Variants in CFAP54 observed in about 807,000 individuals in gnomAD.
CFAP54 encodes the protein cilia and flagella associated protein 54.
CFAP54 carries 290 observed loss-of-function variants against 370.4 expected under a neutral mutation model. That is an observed-to-expected ratio of 0.78 (90% CI 0.71 to 0.86). CFAP54 has a LOEUF of 0.86. CFAP54 is among the 40% of genes least tolerant of loss of function. The probability of loss-of-function intolerance (pLI) is 0.00; values close to 1 mark genes in which losing one functional copy is unlikely to be tolerated. For missense variants in CFAP54, 3,399 were observed against 3,528.7 expected, an observed-to-expected ratio of 0.96 and a Z score of 0.93; for synonymous variants, 1,206 against 1,236.5, an observed-to-expected ratio of 0.98 and a Z score of 0.52.
chr12:96,564,427 G>T, intron 17 of CFAP54, 41 bp from the exon 18 acceptor site: 1 of 672,322 alleles, frequency 1.5e-6, no homozygotes, highest in South Asian at 1.7e-5. Flanking sequence ...TCCTCTCTTG[G>T]ATACATACTT....
At chr12:96,621,900 T>TTTTTTTTTTTA (rs1956498867) in intron 27 of CFAP54, among the ~76,000 whole-genome samples, 179 bp downstream of exon 27, 1 of 139,470 alleles carries the variant, frequency 7.2e-6, no homozygotes, top group Non-Finnish European at 1.5e-5. Flanking sequence ...TTTTTTTTTT[T>TTTTTTTTTTTA]TTTTTTTAGT....
chr12:96,784,715 A>C lies in CFAP54; in HGVS notation c.8282-2A>C. Reference sequence around the variant, plus strand: ...TTACAAAAAAAAGTTTTTCACTTTCAGACAACTACCAAGTCCTCTTCCAGA... The same window carrying C: ...TTACAAAAAAAAGTTTTTCACTTTCCGACAACTACCAAGTCCTCTTCCAGA... On this transcript the variant is annotated splice_acceptor_variant, in intron 60 of 67. Coordinates refer to ENST00000524981, the MANE Select transcript of CFAP54 (RefSeq NM_001306084.2). LOFTEE classifies it high-confidence loss of function. 1 of 1,500,200 alleles carries C rather than the reference A, an allele frequency of 6.7e-7. No individual in the cohort carries two copies. The highest frequency in any genetic ancestry group is 2.5e-5 in the East Asian group (1 of 40,330). 92.9% of individuals were successfully genotyped at this position (1,500,200 alleles called of 1,614,324 possible). A position where few individuals can be genotyped will look rare whatever the true frequency, so the allele number is the denominator to read the frequency against.
intron 64 of CFAP54, among the ~76,000 whole-genome samples, chr12:96,815,196 C>T (rs888413060): frequency 6.6e-6 from 1 of 152,186 alleles, no homozygotes; most frequent in African/African-American, 2.4e-5. Flanking sequence ...TCCTGTTTTT[C>T]CGCATCCTCT....
At chr12:96,826,766 T>C (rs1959114187) in intron 65 of CFAP54, among the ~76,000 whole-genome samples, 1 of 112,244 alleles carries the variant, frequency 8.9e-6, no homozygotes, top group African/African-American at 3.7e-5. Flanking sequence ...CATATTAATA[T>C]ATTATATAAT....
At chr12:96,491,635 G>A (rs1954886494) in intron 1 of CFAP54, among the ~76,000 whole-genome samples, 1 of 152,164 alleles carries the variant, frequency 6.6e-6, no homozygotes, top group Non-Finnish European at 1.5e-5. Flanking sequence ...TGTACTAGAA[G>A]CAGGTAGAGA....
chr12:96,649,790 T>C, intron 34 of CFAP54, 101 bp from the exon 35 acceptor site: 1 of 692,326 alleles, frequency 1.4e-6, no homozygotes, highest in South Asian at 2.3e-5. Context: ...TTATGTAGCA[T>C]TTGTTATCTG....
intron 32 of CFAP54, among the ~76,000 whole-genome samples, chr12:96,643,393 G>A (rs1592902824): frequency 6.4e-4 from 1 of 1,572 alleles, no homozygotes; most frequent in Non-Finnish European, 1.1e-3. Flanking sequence ...TATTGTATGT[G>A]TGTATGTGTG....
chr12:96,672,134 A>T (rs1472515880), intron 39 of CFAP54, among the ~76,000 whole-genome samples: 1 of 152,130 alleles, frequency 6.6e-6, no homozygotes, highest in Non-Finnish European at 1.5e-5. Context: ...TACAAGGAAA[A>T]AAAAGGATAT....
chr12:96,813,113 GA>G (rs1368591758), intron 64 of CFAP54, among the ~76,000 whole-genome samples: 8 of 152,262 alleles, frequency 5.3e-5, no homozygotes, highest in Non-Finnish European at 8.8e-5. Context: ...CCCATATGAT[GA>G]AAATGATTAT....
At chr12:96,671,129 C>G (rs531442272) in intron 39 of CFAP54, among the ~76,000 whole-genome samples, 2 of 152,230 alleles carry the variant, frequency 1.3e-5, no homozygotes, top group Middle Eastern at 3.4e-3. Flanking sequence ...CCTGCCACCA[C>G]GCCTGGCTAA....
chr12:96,658,014 G>A lies in CFAP54; in HGVS notation c.5233G>A (p.Asp1745Asn), dbSNP rs570011662. The A allele has an allele frequency of 5.6e-5, 90 of 1,613,724 alleles. No homozygotes were observed. The East Asian group carries it at 1.6e-3, about 29-fold the overall frequency. Reference protein sequence around the residue: ...VNVVDLKWIHDFVLKSLEVLY... With the variant: ...VNVVDLKWIHNFVLKSLEVLY... ...TGTGGTTGATTTGAAATGGATCCACGACTTTGTATTAAAATCTCTGGAAGT... is the reference window on the plus strand; with the variant it reads ...TGTGGTTGATTTGAAATGGATCCACAACTTTGTATTAAAATCTCTGGAAGT... The change falls in exon 37 of 68, where the codon GAC becomes AAC. Residue 1745 changes from aspartate (D) to asparagine (N), a missense_variant. This residue lies in a region of CFAP54 where 2,796 missense variants were observed against 2,869.7 expected (regional missense o/e 0.97). Coordinates refer to ENST00000524981, the MANE Select transcript of CFAP54 (RefSeq NM_001306084.2).
chr12:96,655,317 A>T (rs536417883), intron 36 of CFAP54, among the ~76,000 whole-genome samples: 1 of 152,212 alleles, frequency 6.6e-6, no homozygotes, highest in African/African-American at 2.4e-5. Flanking sequence ...TTTGGAAAAA[A>T]AAAAAAGCTT....
Position 96,507,039 on chromosome 12 carries a change from T to G in CFAP54, c.679T>G (p.Leu227Val). 1.3e-6 allele frequency: 2 copies of G among 1,535,578 alleles called. No homozygotes were observed. The highest frequency in any genetic ancestry group is 1.7e-6 in the Non-Finnish European group (2 of 1,146,668). Residue 227 changes from leucine (L) to valine (V), a missense_variant, in exon 4 of 68, where the codon TTA becomes GTA. Around this residue, in one of 3 missense-constraint regions of CFAP54, gnomAD observed 559 missense variants for 576.7 expected, o/e 0.97. Transcript: ENST00000524981. ...VVQCLHILSS[L>V]RLIMQVALPQ... ...CCAGTGTCTGCATATCTTGTCCTCC[T>G]TAAGGCTCATCATGCAAGTGGCTCT... is the stretch of plus-strand genomic sequence containing the variant.
rs189712934 is a variant in CFAP54, at chr12:96,714,095, G to A, written c.6725-4348G>A. Among the ~76,000 whole-genome samples, 8 of 152,326 alleles carry A rather than the reference G, an allele frequency of 5.3e-5. No individual in the cohort carries two copies. The East Asian group carries it at 1.5e-3, about 29-fold the overall frequency. On this transcript the variant is annotated intron_variant, in intron 48 of 67. Coordinates refer to ENST00000524981, the MANE Select transcript of CFAP54 (RefSeq NM_001306084.2). The stretch of plus-strand genomic sequence containing the variant: ...GGTTAGGCTATGGGGTTAGGGGAAC[G>A]AACAGGGTGAATATATAAGACCATA...
intron 51 of CFAP54, among the ~76,000 whole-genome samples, chr12:96,742,175 T>C (rs1277363556): frequency 1.3e-5 from 2 of 152,240 alleles, no homozygotes. Flanking sequence ...ACTGCAAAAC[T>C]ATTTTTCAAC....
intron 60 of CFAP54, among the ~76,000 whole-genome samples, chr12:96,777,728 C>CA (rs1958533981): frequency 6.6e-6 from 1 of 152,034 alleles, no homozygotes; most frequent in Non-Finnish European, 1.5e-5. Flanking sequence ...ATGAAGAATG[C>CA]AAGCACTGCT....
chr12:96,646,860 T>C (rs1956799634), intron 33 of CFAP54: 1 of 151,830 alleles, frequency 6.6e-6, no homozygotes, highest in South Asian at 2.1e-4. Context: ...GGACGAAAAA[T>C]CAAACACCGC....
chr12:96,746,990 G>T (rs1958122080), intron 55 of CFAP54, among the ~76,000 whole-genome samples: 2 of 152,120 alleles, frequency 1.3e-5, no homozygotes, highest in African/African-American at 4.8e-5. Flanking sequence ...CCTTCTAATT[G>T]ATTATTCTTA....
intron 50 of CFAP54, among the ~76,000 whole-genome samples, chr12:96,738,088 C>T (rs1352198858): frequency 2.0e-5 from 3 of 152,140 alleles, no homozygotes; most frequent in African/African-American, 7.2e-5. Flanking sequence ...CTGTGGTCAT[C>T]CAGCCTGGAG....
Sources: allele counts gnomAD v4.1 joint callset (sites outside exome capture counted in the v4.1 genomes callset), GRCh38; gene constraint gnomAD v4.1.1; regional missense constraint gnomAD v4.1.1; transcripts MANE v1.5; gene names NCBI Gene and HGNC (gene_info 2026-07-23, HGNC 2026-07-21).